UTRN: variants seen among roughly 807,000 people sequenced by gnomAD.
UTRN encodes dystrophin-related protein 1.
Under a neutral mutation model 463.9 loss-of-function variants are expected in UTRN, and 283 were observed. The ratio of observed to expected loss-of-function variants is 0.61; its 90% CI spans 0.55 to 0.67. UTRN has a LOEUF of 0.67. Ranked by LOEUF, UTRN falls within the 30% of genes least tolerant of loss-of-function variation. The probability of loss-of-function intolerance (pLI) is 0.00; values close to 1 mark genes in which losing one functional copy is unlikely to be tolerated. For missense variants in UTRN, 3,922 were observed against 4,084.3 expected (o/e 0.96, Z 1.08); for synonymous variants, 1,442 against 1,431.5 (o/e 1.01, Z -0.17).
intron 74 of UTRN, among the ~76,000 whole-genome samples, chr6:144,849,456 C>T (rs1044942761): frequency 6.6e-6 from 1 of 152,124 alleles, no homozygotes; most frequent in African/African-American, 2.4e-5. Flanking sequence ...CCTTCTCCTC[C>T]TACTCTGTTT....
intron 19 of UTRN, among the ~76,000 whole-genome samples, chr6:144,454,333 A>G (rs113228732): frequency 5.6e-4 from 86 of 152,276 alleles, no homozygotes; most frequent in African/African-American, 1.9e-3. Flanking sequence ...GTTAAGTTTG[A>G]TAAGGTGTTA....
intron 3 of UTRN, among the ~76,000 whole-genome samples, chr6:144,417,657 A>T (rs1784467221): frequency 6.6e-6 from 1 of 152,178 alleles, no homozygotes; most frequent in East Asian, 1.9e-4. Flanking sequence ...AAAGAAGAGT[A>T]ATATTTTGTG....
At chr6:144,358,460 G>A (rs1286487174) in intron 2 of UTRN, among the ~76,000 whole-genome samples, 1 of 152,090 alleles carries the variant, frequency 6.6e-6, no homozygotes, top group Non-Finnish European at 1.5e-5. Context: ...TACAGAAGGA[G>A]GTAGATACAA....
intron 23 of UTRN, among the ~76,000 whole-genome samples, chr6:144,469,020 G>A (rs551861236): frequency 6.6e-6 from 1 of 152,262 alleles, no homozygotes; most frequent in East Asian, 1.9e-4. Flanking sequence ...TGGAAACGCC[G>A]AGTGAATCTG....
Position 144,533,206 on chromosome 6 carries a change from G to T in UTRN, c.6179G>T (p.Gly2060Val), listed in dbSNP as rs35676466. Reference sequence around the variant, plus strand: ...AGCTTCTTGAAAGAAAAACTGGCAGGTTTAAACCAACGCTGGGATGCAATT... The same window carrying T: ...AGCTTCTTGAAAGAAAAACTGGCAGTTTTAAACCAACGCTGGGATGCAATT... ...DGSFLKEKLA[G>V]LNQRWDAIVA... is the part of the protein sequence containing the mutation. The change falls in exon 43 of 75, where the codon GGT becomes GTT. Residue 2060 changes from glycine to valine, a missense_variant. Gly to Val is a moderately radical substitution (Grantham distance 109, BLOSUM62 -3). This residue lies in a region of UTRN where 2,349 missense variants were observed against 2,303.8 expected (regional missense o/e 1.02). Transcript: ENST00000367545. 3.1e-6 allele frequency: 5 copies of T among 1,614,152 alleles called. No homozygotes were observed. The highest frequency in any genetic ancestry group is 4.2e-6 in the Non-Finnish European group (5 of 1,180,004).
intron 51 of UTRN, among the ~76,000 whole-genome samples, chr6:144,638,273 A>C (rs11756963): frequency 6.6e-6 from 1 of 152,160 alleles, no homozygotes; most frequent in Admixed American, 6.5e-5. Context: ...TATACTCGGA[A>C]GATAAGCTCT....
chr6:144,741,193 C>G (rs1044507176), intron 54 of UTRN, among the ~76,000 whole-genome samples: 2 of 152,144 alleles, frequency 1.3e-5, no homozygotes, highest in African/African-American at 2.4e-5. Flanking sequence ...TTTGGCAGTA[C>G]ATAAACATAA....
At chr6:144,533,365 G>A in intron 43 of UTRN, 105 bp downstream of exon 43, 2 of 1,485,096 alleles carry the variant, frequency 1.3e-6, no homozygotes, top group South Asian at 2.9e-5. Context: ...CATTATAATA[G>A]GAATTTTACT....
chr6:144,599,130 G>A (rs1039623449), intron 51 of UTRN, among the ~76,000 whole-genome samples: 1 of 152,188 alleles, frequency 6.6e-6, no homozygotes, highest in Non-Finnish European at 1.5e-5. Flanking sequence ...ACTGTGTAAA[G>A]CAGTAGAATG....
chr6:144,527,769 C>G (rs1002277563), intron 41 of UTRN, among the ~76,000 whole-genome samples: 1 of 152,050 alleles, frequency 6.6e-6, no homozygotes, highest in African/African-American at 2.4e-5. Flanking sequence ...TCTACTTGTT[C>G]GAATTTATTG....
chr6:144,824,223 T>C (rs1292050643), intron 66 of UTRN, among the ~76,000 whole-genome samples: 2 of 152,036 alleles, frequency 1.3e-5, no homozygotes, highest in East Asian at 1.9e-4. Flanking sequence ...GAGTTTATTC[T>C]GAGAGCAGTG....
intron 2 of UTRN, among the ~76,000 whole-genome samples, chr6:144,302,722 A>T (rs760555020): frequency 6.6e-6 from 1 of 152,170 alleles, no homozygotes; most frequent in Non-Finnish European, 1.5e-5. Flanking sequence ...GGACACATGG[A>T]GGGAGGAAGG....
chr6:144,640,148 G>C (rs949544576), intron 51 of UTRN, among the ~76,000 whole-genome samples: 4 of 152,106 alleles, frequency 2.6e-5, no homozygotes, highest in African/African-American at 9.7e-5. Context: ...AAATGTGTTG[G>C]TTCTGTGATA....
intron 3 of UTRN, among the ~76,000 whole-genome samples, chr6:144,410,849 C>G (rs1377119534): frequency 6.6e-6 from 1 of 151,852 alleles, no homozygotes; most frequent in Non-Finnish European, 1.5e-5. Flanking sequence ...TCTTTATTCA[C>G]TCATTGATCG....
At chr6:144,353,775 A>G (rs1778318836) in intron 2 of UTRN, among the ~76,000 whole-genome samples, 1 of 152,182 alleles carries the variant, frequency 6.6e-6, no homozygotes, top group African/African-American at 2.4e-5. Flanking sequence ...TGAACCTGGG[A>G]GTCGGAGGTT....
In UTRN at chr6:144,403,186, TA is replaced by T; in HGVS notation, c.141+4del. ...TGGATAAATGCTCGATTTTCAAAGG[TA>T]ACTGAGACTTTCAAAAACTTCGATG... On this transcript the variant is annotated splice_donor_region_variant and intron_variant, in intron 3 of 74. Coordinates refer to ENST00000367545, the MANE Select transcript of UTRN (RefSeq NM_007124.3). 1 of 1,612,602 alleles carries T rather than the reference TA, an allele frequency of 6.2e-7. No homozygotes were observed. Among genetic ancestry groups the T allele is most frequent in the Non-Finnish European group, 8.5e-7 (1 of 1,179,148 alleles).
chr6:144,686,231 C>CTCTAT (rs1272564855), intron 52 of UTRN, among the ~76,000 whole-genome samples: 1 of 152,034 alleles, frequency 6.6e-6, no homozygotes, highest in African/African-American at 2.4e-5. Context: ...TTTCTAGGTT[C>CTCTAT]TCTATTCTGC....
Position 144,286,106 on chromosome 6 carries a change from A to T in UTRN, c.-93+285A>T, listed in dbSNP as rs774301590. Among the ~76,000 whole-genome samples, 2 of 152,180 alleles carry T rather than the reference A, an allele frequency of 1.3e-5. No individual in the cohort carries two copies. Among genetic ancestry groups the T allele is most frequent in the Non-Finnish European group, 2.9e-5 (2 of 68,028 alleles). ...TCCGTACTAGTTGTGAACGATCCAA[A>T]CTTATCTGACCAGCTCTGTGCTGCC... On this transcript the variant is annotated intron_variant, in intron 1 of 74. Coordinates refer to ENST00000367545, the MANE Select transcript of UTRN (RefSeq NM_007124.3). The surrounding 1 kb of genome is among the most constrained non-coding windows in gnomAD (Gnocchi z 4.4).
chr6:144,656,343 A>AT (rs1779304207), intron 51 of UTRN, among the ~76,000 whole-genome samples: 1 of 152,220 alleles, frequency 6.6e-6, no homozygotes, highest in Non-Finnish European at 1.5e-5. Context: ...GAGGTGGTTG[A>AT]TAAAAAAGGA....
Sources: allele counts gnomAD v4.1 joint callset (sites outside exome capture counted in the v4.1 genomes callset), GRCh38; gene constraint gnomAD v4.1.1; regional missense constraint gnomAD v4.1.1; non-coding constraint Gnocchi (gnomAD v3.1); transcripts MANE v1.5; gene names NCBI Gene and HGNC (gene_info 2026-07-23, HGNC 2026-07-21).